ATP9B: variants seen among roughly 807,000 people sequenced by gnomAD.
ATP9B encodes the protein ATPase phospholipid transporting 9B.
ATP9B carries 110 observed loss-of-function variants against 146.1 expected under a neutral mutation model. That is an observed-to-expected ratio of 0.75 (90% CI 0.65 to 0.88). ATP9B has a LOEUF of 0.88. Among genes scored for constraint, ATP9B ranks in the 40% least tolerant of loss-of-function variants. The probability of loss-of-function intolerance (pLI) is 0.00; values close to 1 mark genes in which losing one functional copy is unlikely to be tolerated. For synonymous variants in ATP9B, 604 were observed against 569.7 expected (o/e 1.06, Z -0.86); for missense variants, 1,499 against 1,496.4 (o/e 1.00, Z -0.03).
At chr18:79,245,650 AGGAGGGTACCGCCCTAGTGACTGTGC>A (rs2095941977) in intron 11 of ATP9B, among the ~76,000 whole-genome samples, 1 of 62,388 alleles carries the variant, frequency 1.6e-5, no homozygotes, top group Non-Finnish European at 3.2e-5. Flanking sequence ...CTACTGACTG[AGGAGGGTACCGCCCTAGTGACTGTGC>A]GGAGGGCACC....
chr18:79,189,452 C>T (rs1019162703), intron 8 of ATP9B, among the ~76,000 whole-genome samples: 2 of 152,250 alleles, frequency 1.3e-5, no homozygotes, highest in East Asian at 1.9e-4. Context: ...CAATCCCCCA[C>T]GCAGTCAAAC....
intron 15 of ATP9B, among the ~76,000 whole-genome samples, chr18:79,311,770 G>A (rs755940215): frequency 4.6e-5 from 7 of 152,134 alleles, no homozygotes; most frequent in Admixed American, 3.9e-4. Flanking sequence ...TTGGCTTTCC[G>A]TCTTTCTCTA....
At chr18:79,329,397 A>G in intron 16 of ATP9B, 95 bp downstream of exon 16, 1 of 1,321,648 alleles carries the variant, frequency 7.6e-7, no homozygotes, top group Non-Finnish European at 1.0e-6. Context: ...TTAAACATTT[A>G]CTCAGGTGCT....
chr18:79,250,278 G>A (rs1056343384), intron 11 of ATP9B, among the ~76,000 whole-genome samples: 10 of 152,194 alleles, frequency 6.6e-5, no homozygotes, highest in African/African-American at 9.6e-5. Context: ...GTGAGGTGGT[G>A]GTTATGCATT....
intron 5 of ATP9B, among the ~76,000 whole-genome samples, chr18:79,136,116 A>G (rs571238735): frequency 1.5e-4 from 23 of 152,210 alleles, no homozygotes; most frequent in Non-Finnish European, 1.2e-4. Context: ...AACTAATACT[A>G]GTGTATTAAT....
chr18:79,197,498 G>A (rs934630494), intron 9 of ATP9B, among the ~76,000 whole-genome samples: 1 of 151,996 alleles, frequency 6.6e-6, no homozygotes, highest in Admixed American at 6.6e-5. Flanking sequence ...ATTCTGTTAG[G>A]GTGGGGATTT....
At chr18:79,250,550 C>T (rs544811318) in intron 11 of ATP9B, among the ~76,000 whole-genome samples, 1 of 152,312 alleles carries the variant, frequency 6.6e-6, no homozygotes, top group South Asian at 2.1e-4. Context: ...TTGAAACATG[C>T]TCTACTTCCC....
chr18:79,338,701 A>G (rs770321613), intron 19 of ATP9B, among the ~76,000 whole-genome samples: 13 of 152,066 alleles, frequency 8.5e-5, no homozygotes, highest in Non-Finnish European at 1.9e-4. Flanking sequence ...GGAAATTGGC[A>G]CTTATGGTGT....
At chr18:79,194,174 C>CT (rs984389940) in intron 9 of ATP9B, among the ~76,000 whole-genome samples, 26 of 149,202 alleles carry the variant, frequency 1.7e-4, no homozygotes, top group Non-Finnish European at 2.8e-4. Flanking sequence ...AAACTCACAT[C>CT]TTTTTTTTTT....
At chr18:79,200,727 G>GTCGGGGTCAGAGCAGAGGGGGAGGTGGGA in intron 9 of ATP9B, among the ~76,000 whole-genome samples, 3 of 45,542 alleles carry the variant, frequency 6.6e-5, no homozygotes, top group Non-Finnish European at 1.6e-4. Context: ...TGGAGGTGGG[G>GTCGGGGTCAGAGCAGAGGGGGAGGTGGGA]ACTGTCGGGG....
intron 19 of ATP9B, among the ~76,000 whole-genome samples, chr18:79,339,200 A>G (rs2096843257): frequency 7.6e-6 from 1 of 132,428 alleles, no homozygotes; most frequent in African/African-American, 2.9e-5. Flanking sequence ...ATGAGGCTGT[A>G]TCATATCCAT....
At position 79,307,223 on chromosome 18, in the gene ATP9B, A is replaced by C; in HGVS notation, c.1762A>C (p.Ser588Arg). Reference sequence around the variant, plus strand: ...TGAGAATCGCACCTACCAGGCTTCCAGCCCGGATGAGGTCAGTCAAAGCAC... The same window carrying C: ...TGAGAATCGCACCTACCAGGCTTCCCGCCCGGATGAGGTCAGTCAAAGCAC... ...SDENRTYQAS[S>R]PDEVALVQWT... Residue 588 changes from serine to arginine, a missense_variant, in exon 15 of 30, where the codon AGC becomes CGC. Coordinates refer to ENST00000426216, the MANE Select transcript of ATP9B (RefSeq NM_198531.5). 6.2e-7 allele frequency: 1 copy of C among 1,614,202 alleles called. No individual in the cohort carries two copies. The highest frequency in any genetic ancestry group is 1.1e-5 in the South Asian group (1 of 91,084).
At chr18:79,358,833 G>A (rs2096969153) in intron 25 of ATP9B, among the ~76,000 whole-genome samples, 1 of 141,380 alleles carries the variant, frequency 7.1e-6, no homozygotes, top group African/African-American at 2.7e-5. Flanking sequence ...GGGGTGCTCT[G>A]GGTCTGGAGG....
In ATP9B at chr18:79,212,359, T is replaced by C. The variant is rs73971524; in HGVS notation, c.1031-1603T>C. ...TAAAAATGTATAACATATGCCTTGT[T>C]ATGTATCACATTGAATTGAGGTACT... On this transcript the variant is annotated intron_variant, in intron 10 of 29. Coordinates refer to ENST00000426216, the MANE Select transcript of ATP9B (RefSeq NM_198531.5). Among the ~76,000 whole-genome samples the C allele has an allele frequency of 7.6e-3, 1,161 of 152,354 alleles. 13 individuals carry two copies. Among genetic ancestry groups the C allele is most frequent in the African/African-American group, 0.018 (750 of 41,592 alleles).
intron 13 of ATP9B, among the ~76,000 whole-genome samples, chr18:79,286,334 G>A (rs1252244794): frequency 1.4e-4 from 21 of 151,612 alleles, no homozygotes; most frequent in Non-Finnish European, 2.2e-4. Context: ...AGTCCTTCAC[G>A]TCCCTTGTAA....
At chr18:79,119,177 A>G (rs2094146645) in intron 4 of ATP9B, among the ~76,000 whole-genome samples, 1 of 151,968 alleles carries the variant, frequency 6.6e-6, no homozygotes, top group Non-Finnish European at 1.5e-5. Flanking sequence ...AAATGTATTT[A>G]TATATATTTT....
intron 9 of ATP9B, among the ~76,000 whole-genome samples, chr18:79,200,775 G>A (rs572877570): frequency 1.1e-4 from 4 of 35,710 alleles, no homozygotes; most frequent in African/African-American, 4.7e-4. Context: ...TGGGGTCAGA[G>A]CAGAAGTAGT....
chr18:79,195,049 A>C (rs942179993), intron 9 of ATP9B, among the ~76,000 whole-genome samples: 14 of 152,138 alleles, frequency 9.2e-5, no homozygotes, highest in Non-Finnish European at 1.8e-4. Context: ...TAGGAAGAAA[A>C]AGACAAAGTT....
At chr18:79,069,622 G>C in intron 1 of ATP9B, 93 bp downstream of exon 1, 1 of 772,608 alleles carries the variant, frequency 1.3e-6, no homozygotes. Context: ...GTCTGGGGTC[G>C]CTACCGGCGC....
Sources: allele counts gnomAD v4.1 joint callset (sites outside exome capture counted in the v4.1 genomes callset), GRCh38; gene constraint gnomAD v4.1.1; transcripts MANE v1.5; gene names NCBI Gene and HGNC (gene_info 2026-07-23, HGNC 2026-07-21).